Variants in NEGR1 observed in about 807,000 individuals in gnomAD.
NEGR1 encodes neuronal growth regulator 1, also known as IgLON family member 4.
In NEGR1, 10 loss-of-function variants were observed where a neutral mutation model predicts 40.9. The observed-to-expected ratio is 0.24, with a 90% CI of 0.15 to 0.42. The LOEUF (loss-of-function observed/expected upper bound fraction) is 0.42, where lower values mean the gene tolerates loss of function less well. NEGR1 is among the 10% of genes least tolerant of loss of function. The pLI is 1.00. For missense variants in NEGR1, 352 were observed against 438.9 expected (o/e 0.80, Z 1.77); for synonymous variants, 185 against 166.8 (o/e 1.11, Z -0.84).
intron 4 of NEGR1, among the ~76,000 whole-genome samples, chr1:71,625,916 G>A (rs1313874605): frequency 6.6e-6 from 1 of 151,894 alleles, no homozygotes; most frequent in Non-Finnish European, 1.5e-5. Flanking sequence ...GAGCTGCAGG[G>A]TAGCAAGCAT....
At chr1:72,226,603 A>C (rs1228529822) in intron 1 of NEGR1, among the ~76,000 whole-genome samples, 2 of 152,010 alleles carry the variant, frequency 1.3e-5, no homozygotes, top group Non-Finnish European at 2.9e-5. Flanking sequence ...TTACATTAAA[A>C]ATTTGATTCG....
intron 2 of NEGR1, among the ~76,000 whole-genome samples, chr1:71,927,442 A>C (rs1645785035): frequency 6.6e-6 from 1 of 152,166 alleles, no homozygotes; most frequent in Admixed American, 6.6e-5. Context: ...GTGAAGGTAC[A>C]TTTGGGAAAA....
chr1:72,076,050 C>A (rs1212475542), intron 1 of NEGR1, among the ~76,000 whole-genome samples: 1 of 152,112 alleles, frequency 6.6e-6, no homozygotes, highest in African/African-American at 2.4e-5. Flanking sequence ...GAAGCAGAAG[C>A]TGTTTATAAA....
At chr1:71,527,908 C>A (rs541870857) in intron 6 of NEGR1, among the ~76,000 whole-genome samples, 2 of 151,326 alleles carry the variant, frequency 1.3e-5, no homozygotes, top group East Asian at 3.9e-4. Flanking sequence ...AAAATTAATT[C>A]TGTTTTTTAT....
chr1:71,801,949 C>G (rs182660489), intron 2 of NEGR1, among the ~76,000 whole-genome samples: 1 of 152,168 alleles, frequency 6.6e-6, no homozygotes, highest in Non-Finnish European at 1.5e-5. Context: ...AATATGAACA[C>G]TAAAGGTGCT....
At chr1:71,862,452 G>A (rs1490223839) in intron 2 of NEGR1, among the ~76,000 whole-genome samples, 2 of 151,982 alleles carry the variant, frequency 1.3e-5, no homozygotes, top group Admixed American at 1.3e-4. Flanking sequence ...ACCCAAATCT[G>A]TTCTGGACTA....
intron 2 of NEGR1, among the ~76,000 whole-genome samples, chr1:71,807,763 C>T (rs1170317871): frequency 6.6e-6 from 1 of 152,122 alleles, no homozygotes; most frequent in African/African-American, 2.4e-5. Context: ...TACTTCCTAC[C>T]TGAGTAACTT....
chr1:71,943,161 TAACTA>T (rs1432159024), intron 1 of NEGR1, among the ~76,000 whole-genome samples: 1 of 114,580 alleles, frequency 8.7e-6, no homozygotes, highest in African/African-American at 3.3e-5. Flanking sequence ...AAAACAAACT[TAACTA>T]TACATATATG....
At chr1:72,039,170 T>C (rs537441352) in intron 1 of NEGR1, among the ~76,000 whole-genome samples, 28 of 152,112 alleles carry the variant, frequency 1.8e-4, no homozygotes, top group African/African-American at 6.7e-4. Flanking sequence ...AATGTAATTA[T>C]AGTTCAACGT....
chr1:71,819,285 A>G (rs186594779), intron 2 of NEGR1, among the ~76,000 whole-genome samples: 34 of 152,120 alleles, frequency 2.2e-4, no homozygotes. Context: ...GACAACAAAG[A>G]CTATCATCAG....
At chr1:72,070,613 T>G (rs538885207) in intron 1 of NEGR1, among the ~76,000 whole-genome samples, 27 of 152,130 alleles carry the variant, frequency 1.8e-4, no homozygotes, top group Non-Finnish European at 3.4e-4. Flanking sequence ...TTTAAAAAAT[T>G]AAGTTCTATG....
intron 2 of NEGR1, among the ~76,000 whole-genome samples, chr1:71,837,794 A>T (rs929419551): frequency 9.9e-5 from 15 of 152,146 alleles, no homozygotes; most frequent in Non-Finnish European, 1.8e-4. Flanking sequence ...ATAGATATTG[A>T]GCTATTGTTA....
At chr1:71,533,762 T>G (rs994132507) in intron 6 of NEGR1, among the ~76,000 whole-genome samples, 1 of 151,658 alleles carries the variant, frequency 6.6e-6, no homozygotes, top group South Asian at 2.1e-4. Flanking sequence ...TTTGAAGTGT[T>G]AAATGATGGT....
At position 71,396,180 on chromosome 1, in the gene NEGR1, T is replaced by C. The variant is rs1646210405; in HGVS notation, c.*11266A>G. 1 of 152,186 alleles carries C rather than the reference T, an allele frequency of 6.6e-6. No homozygotes were observed. Among genetic ancestry groups the C allele is most frequent in the African/African-American group, 2.4e-5 (1 of 41,448 alleles). The allele number at this position is 152,186 out of a possible 1,614,324, so 9.4% of individuals were successfully genotyped here. A position where few individuals can be genotyped will look rare whatever the true frequency, so the allele number is the denominator to read the frequency against. ...CTTTTACCCTCTGTTTCTTTTCTTC[T>C]TCCTTTTCCTTTCTCACTTTCAGTT... On this transcript the variant is annotated 3_prime_UTR_variant, in exon 7 of 7. Transcript: ENST00000357731.
chr1:72,169,223 C>T (rs1651876108), intron 1 of NEGR1, among the ~76,000 whole-genome samples: 1 of 152,066 alleles, frequency 6.6e-6, no homozygotes, highest in Admixed American at 6.6e-5. Flanking sequence ...GAACAAAATT[C>T]TTACAATGTC....
chr1:72,212,716 C>A (rs1336456465), intron 1 of NEGR1, among the ~76,000 whole-genome samples: 4 of 151,822 alleles, frequency 2.6e-5, no homozygotes. Flanking sequence ...TAGAAAAGAT[C>A]AAACAGCTAT....
At chr1:72,221,750 C>A (rs2100483608) in intron 1 of NEGR1, among the ~76,000 whole-genome samples, 1 of 152,134 alleles carries the variant, frequency 6.6e-6, no homozygotes, top group Non-Finnish European at 1.5e-5. Context: ...TCATTCAGTC[C>A]TTTTCCATCA....
At chr1:72,174,900 T>A (rs573094193) in intron 1 of NEGR1, among the ~76,000 whole-genome samples, 1 of 152,252 alleles carries the variant, frequency 6.6e-6, no homozygotes, top group African/African-American at 2.4e-5. Flanking sequence ...TTTGACAAGT[T>A]GTTTAAACTC....
intron 1 of NEGR1, among the ~76,000 whole-genome samples, chr1:72,126,167 G>A (rs1301139318): frequency 1.3e-5 from 2 of 151,504 alleles, no homozygotes; most frequent in Non-Finnish European, 2.9e-5. Context: ...AACGGAGAGA[G>A]GGAGAGAGAA....
Sources: allele counts gnomAD v4.1 joint callset (sites outside exome capture counted in the v4.1 genomes callset), GRCh38; gene constraint gnomAD v4.1.1; transcripts MANE v1.5; gene names NCBI Gene and HGNC (gene_info 2026-07-23, HGNC 2026-07-21).